Variants in ERC2 observed in about 807,000 individuals in gnomAD.
ERC2 encodes ELKS/RAB6-interacting/CAST family member 2.
ERC2 carries 42 observed loss-of-function variants against 114.8 expected under a neutral mutation model. The observed-to-expected ratio is 0.37, with a 90% CI of 0.29 to 0.47. The LOEUF (loss-of-function observed/expected upper bound fraction) is 0.47, where lower values mean the gene tolerates loss of function less well. ERC2 is among the 20% of genes least tolerant of loss of function. The pLI, the probability that ERC2 is intolerant of heterozygous loss-of-function variation, is 0.99. For synonymous variants in ERC2, 454 were observed against 425.5 expected, an observed-to-expected ratio of 1.07 and a Z score of -0.82; for missense variants, 939 against 1,150.7, an observed-to-expected ratio of 0.82 and a Z score of 2.66.
intron 8 of ERC2, among the ~76,000 whole-genome samples, chr3:56,013,276 C>G (rs958420385): frequency 3.3e-5 from 5 of 152,122 alleles, no homozygotes; most frequent in Admixed American, 3.3e-4. Context: ...TTTCATCAGC[C>G]AAGAGACAGC....
rs190107630 is a variant in ERC2, at chr3:55,606,518, C to T, written c.*39+77276G>A. 4.6e-5 allele frequency: 7 copies of T among 152,352 alleles called. No individual in the cohort carries two copies. In the East Asian group the frequency reaches 1.2e-3, roughly 25 times the overall value. The allele number at this position is 152,352 out of a possible 1,614,324, so 9.4% of individuals were successfully genotyped here. A position where few individuals can be genotyped will look rare whatever the true frequency, so the allele number is the denominator to read the frequency against. On this transcript the variant is annotated intron_variant, in intron 17 of 17. Transcript: ENST00000288221. ...CTCTGTCCATGTAGCAAGATCCAAA[C>T]AACACTGTGTGGCCACCATGAGGCT...
intron 17 of ERC2, among the ~76,000 whole-genome samples, chr3:55,536,024 A>G (rs2053981003): frequency 6.6e-6 from 1 of 152,148 alleles, no homozygotes; most frequent in African/African-American, 2.4e-5. Context: ...AACAACAACA[A>G]AAAAACAATA....
intron 13 of ERC2, among the ~76,000 whole-genome samples, chr3:55,901,917 A>C (rs1418695630): frequency 6.6e-6 from 1 of 152,252 alleles, no homozygotes; most frequent in East Asian, 1.9e-4. Flanking sequence ...ATACCGACTG[A>C]ATCAGGATAT....
intron 17 of ERC2, among the ~76,000 whole-genome samples, chr3:55,649,643 A>T (rs2060532731): frequency 6.6e-6 from 1 of 152,190 alleles, no homozygotes. Context: ...GGTGAAGAAG[A>T]TGAGACTCTC....
At chr3:55,787,297 T>G (rs1045857641) in intron 14 of ERC2, among the ~76,000 whole-genome samples, 11 of 151,998 alleles carry the variant, frequency 7.2e-5, no homozygotes, top group African/African-American at 2.7e-4. Context: ...GCGCCTGTAG[T>G]CCCAGCTACT....
chr3:55,536,497 G>A (rs2054008685), intron 17 of ERC2, among the ~76,000 whole-genome samples: 2 of 152,194 alleles, frequency 1.3e-5, no homozygotes, highest in South Asian at 4.1e-4. Context: ...TGCCCAATAA[G>A]CACATATTGT....
chr3:55,686,416 A>G (rs2062334937), intron 16 of ERC2, among the ~76,000 whole-genome samples: 1 of 152,324 alleles, frequency 6.6e-6, no homozygotes, highest in African/African-American at 2.4e-5. Flanking sequence ...TCAAAGCTTA[A>G]ACATGAATTG....
chr3:56,290,926 C>A (rs375711719), intron 3 of ERC2, among the ~76,000 whole-genome samples: 1 of 152,164 alleles, frequency 6.6e-6, no homozygotes, highest in Non-Finnish European at 1.5e-5. Context: ...GACTTGGGTG[C>A]TCTTCTGGCC....
intron 2 of ERC2, among the ~76,000 whole-genome samples, chr3:56,419,432 T>C (rs1361042353): frequency 2.0e-5 from 3 of 152,226 alleles, no homozygotes; most frequent in Non-Finnish European, 4.4e-5. Flanking sequence ...ATGCAAACTC[T>C]TTCAAGGTAA....
intron 2 of ERC2, among the ~76,000 whole-genome samples, chr3:56,413,186 G>T (rs139015474): frequency 6.6e-6 from 1 of 152,196 alleles, no homozygotes; most frequent in Non-Finnish European, 1.5e-5. Context: ...CCCGAACAAG[G>T]CAAGCCAGCC....
At chr3:55,660,280 CT>C (rs2061067745) in intron 17 of ERC2, among the ~76,000 whole-genome samples, 1 of 152,176 alleles carries the variant, frequency 6.6e-6, no homozygotes, top group South Asian at 2.1e-4. Flanking sequence ...CCTGATATTC[CT>C]TTTGGCTCCT....
intron 17 of ERC2, among the ~76,000 whole-genome samples, chr3:55,631,170 T>C (rs541041473): frequency 1.1e-4 from 16 of 152,020 alleles, no homozygotes; most frequent in East Asian, 1.9e-4. Flanking sequence ...GTTTTTTTTT[T>C]CCCCAAGCAA....
chr3:55,617,031 G>A (rs1463087590), intron 17 of ERC2, among the ~76,000 whole-genome samples: 1 of 152,174 alleles, frequency 6.6e-6, no homozygotes, highest in Non-Finnish European at 1.5e-5. Flanking sequence ...AAGGCAGGGT[G>A]TGAGAAAAGG....
At chr3:55,963,581 CA>C (rs1433944208) in intron 12 of ERC2, among the ~76,000 whole-genome samples, 1 of 152,128 alleles carries the variant, frequency 6.6e-6, no homozygotes, top group Admixed American at 6.5e-5. Context: ...CTCCTCTTTG[CA>C]CATTATTTAC....
At chr3:56,142,734 T>C (rs963181054) in intron 5 of ERC2, among the ~76,000 whole-genome samples, 5 of 152,158 alleles carry the variant, frequency 3.3e-5, no homozygotes, top group African/African-American at 1.2e-4. Context: ...AAGTCTTTGC[T>C]TTCTGATTCT....
At chr3:56,041,960 A>G (rs2075217119) in intron 7 of ERC2, among the ~76,000 whole-genome samples, 1 of 149,172 alleles carries the variant, frequency 6.7e-6, no homozygotes, top group Admixed American at 6.9e-5. Flanking sequence ...CTCTTTGAAA[A>G]TACCATCAAT....
At chr3:56,095,939 T>C (rs764963113) in intron 6 of ERC2, among the ~76,000 whole-genome samples, 5 of 152,208 alleles carry the variant, frequency 3.3e-5, no homozygotes, top group African/African-American at 7.2e-5. Context: ...GTCGGAGCTC[T>C]TGACTCCTCA....
At chr3:55,794,318 T>C (rs1575616761) in intron 14 of ERC2, among the ~76,000 whole-genome samples, 1 of 152,212 alleles carries the variant, frequency 6.6e-6, no homozygotes, top group East Asian at 1.9e-4. Flanking sequence ...TTTCCCTTTT[T>C]GCTCTGGCTG....
chr3:55,614,067 G>A (rs1357716807), intron 17 of ERC2, among the ~76,000 whole-genome samples: 6 of 148,894 alleles, frequency 4.0e-5, no homozygotes, highest in African/African-American at 1.5e-4. Flanking sequence ...GGAGGAATCT[G>A]CCCACACTTC....
Sources: allele counts gnomAD v4.1 joint callset (sites outside exome capture counted in the v4.1 genomes callset), GRCh38; gene constraint gnomAD v4.1.1; transcripts MANE v1.5; gene names NCBI Gene and HGNC (gene_info 2026-07-23, HGNC 2026-07-21).